The following NBEA variants were observed in gnomAD, a reference collection of about 807,000 sequenced individuals.
NBEA encodes the protein neurobeachin.
A neutral mutation model predicts 343.4 loss-of-function variants in NBEA; 44 were observed. The ratio of observed to expected loss-of-function variants is 0.13; its 90% CI spans 0.10 to 0.16. The LOEUF (loss-of-function observed/expected upper bound fraction) is 0.16, where lower values mean the gene tolerates loss of function less well. NBEA is among the 10% of genes least tolerant of loss of function. NBEA has a pLI of 1.00. For missense variants in NBEA, 2,555 were observed against 3,631.3 expected, an observed-to-expected ratio of 0.70 and a Z score of 7.62; for synonymous variants, 1,175 against 1,238.7, an observed-to-expected ratio of 0.95 and a Z score of 1.08.
intron 33 of NBEA, among the ~76,000 whole-genome samples, chr13:35,217,444 C>T (rs1464075596): frequency 3.9e-5 from 6 of 151,906 alleles, no homozygotes; most frequent in African/African-American, 1.4e-4. Flanking sequence ...TCTTCACCTA[C>T]CTCTACTTTC....
chr13:35,256,214 G>A (rs914277947), intron 34 of NBEA, among the ~76,000 whole-genome samples: 1 of 151,866 alleles, frequency 6.6e-6, no homozygotes, highest in African/African-American at 2.4e-5. Flanking sequence ...AGCTCTGATC[G>A]GAGAGGAGAC....
chr13:35,152,197 T>A (rs2152704867), intron 18 of NBEA, among the ~76,000 whole-genome samples: 1 of 152,320 alleles, frequency 6.6e-6, no homozygotes, highest in African/African-American at 2.4e-5. Flanking sequence ...AAACATATAT[T>A]TTTTAAATTA....
chr13:35,178,237 C>T (rs1173270249), intron 28 of NBEA, among the ~76,000 whole-genome samples: 2 of 151,668 alleles, frequency 1.3e-5, no homozygotes, highest in Admixed American at 6.6e-5. Flanking sequence ...AGCTCTTTGC[C>T]AATATGGTTA....
intron 41 of NBEA, among the ~76,000 whole-genome samples, chr13:35,498,233 A>C (rs2076756513): frequency 6.6e-6 from 1 of 152,192 alleles, no homozygotes; most frequent in South Asian, 2.1e-4. Flanking sequence ...CTCTGTGTTG[A>C]AAATCTCTCA....
At chr13:35,666,688 A>G (rs1450503122) in intron 56 of NBEA, among the ~76,000 whole-genome samples, 1 of 152,218 alleles carries the variant, frequency 6.6e-6, no homozygotes, top group Non-Finnish European at 1.5e-5. Context: ...ACACCAAACT[A>G]TAGTGACCAA....
At chr13:35,370,156 G>C (rs1328152020) in intron 38 of NBEA, among the ~76,000 whole-genome samples, 1 of 151,928 alleles carries the variant, frequency 6.6e-6, no homozygotes, top group Non-Finnish European at 1.5e-5. Context: ...CTCAACTGGA[G>C]TCTATCGCTC....
At chr13:35,399,699 G>T (rs1231496392) in intron 38 of NBEA, among the ~76,000 whole-genome samples, 1 of 152,074 alleles carries the variant, frequency 6.6e-6, no homozygotes, top group African/African-American at 2.4e-5. Flanking sequence ...TTCACAACTT[G>T]GCTAACCATT....
At chr13:35,512,977 A>G (rs1353296159) in intron 41 of NBEA, among the ~76,000 whole-genome samples, 8 of 152,246 alleles carry the variant, frequency 5.3e-5, no homozygotes, top group Non-Finnish European at 7.4e-5. Flanking sequence ...AACTCAGTGT[A>G]AGGTTATTGT....
At chr13:35,149,933 T>G (rs984397132) in intron 18 of NBEA, among the ~76,000 whole-genome samples, 2 of 152,128 alleles carry the variant, frequency 1.3e-5, no homozygotes, top group Non-Finnish European at 2.9e-5. Context: ...TACAGCAGCG[T>G]TTTTACCCAC....
intron 17 of NBEA, among the ~76,000 whole-genome samples, chr13:35,140,317 G>A (rs894000303): frequency 6.6e-6 from 1 of 151,936 alleles, no homozygotes; most frequent in Non-Finnish European, 1.5e-5. Context: ...CTGGCCTTTA[G>A]ATAGACTAAT....
At chr13:35,005,685 A>G (rs1387294866) in intron 1 of NBEA, among the ~76,000 whole-genome samples, 2 of 152,202 alleles carry the variant, frequency 1.3e-5, no homozygotes, top group Non-Finnish European at 2.9e-5. Flanking sequence ...TTATGATGGT[A>G]TGGAAGCACC....
intron 1 of NBEA, among the ~76,000 whole-genome samples, chr13:35,017,317 G>A (rs1030779217): frequency 1.3e-4 from 20 of 152,146 alleles, no homozygotes; most frequent in African/African-American, 3.9e-4. Flanking sequence ...TTTCATTTCC[G>A]TTGGGTACTG....
chr13:35,319,650 T>G (rs1400867763), intron 36 of NBEA, among the ~76,000 whole-genome samples: 1 of 152,140 alleles, frequency 6.6e-6, no homozygotes, highest in Non-Finnish European at 1.5e-5. Flanking sequence ...AACATCCTTG[T>G]TAATTTTCTC....
At chr13:35,346,307 G>C (rs1051342996) in intron 36 of NBEA, among the ~76,000 whole-genome samples, 5 of 152,070 alleles carry the variant, frequency 3.3e-5, no homozygotes, top group Non-Finnish European at 5.9e-5. Flanking sequence ...TCAGCCTTCA[G>C]CATGCACTAG....
chr13:35,199,291 T>TA lies in NBEA; in HGVS notation c.5366+2990dup, dbSNP rs75130918. On this transcript the variant is annotated intron_variant, in intron 31 of 58. Transcript: ENST00000379939. Reference sequence around the variant, plus strand: ...AAGCACTAATGTCTGAAATCCAAGTTATGACATGTCTTTTAACATCAGATT... The same window carrying TA: ...AAGCACTAATGTCTGAAATCCAAGTTAATGACATGTCTTTTAACATCAGATT... 2.3e-4 allele frequency among the ~76,000 whole-genome samples: 35 copies of TA among 152,256 alleles called. No individual in the cohort carries two copies. In the East Asian group the frequency reaches 6.6e-3, roughly 29 times the overall value.
chr13:35,214,620 GA>G (rs1446710517), intron 33 of NBEA, among the ~76,000 whole-genome samples: 1 of 151,510 alleles, frequency 6.6e-6, no homozygotes, highest in Non-Finnish European at 1.5e-5. Flanking sequence ...ATGCAGTCTA[GA>G]ATTTTTTGTT....
chr13:35,475,220 G>A (rs1242737166), intron 41 of NBEA: 2 of 1,614,026 alleles, frequency 1.2e-6, no homozygotes, highest in Non-Finnish European at 1.7e-6. Context: ...CAGGAGATAA[G>A]TTGCAGCAAA....
intron 1 of NBEA, among the ~76,000 whole-genome samples, chr13:34,992,839 ATTTTTT>A (rs11434153): frequency 7.3e-6 from 1 of 136,436 alleles, no homozygotes; most frequent in Admixed American, 7.4e-5. Context: ...CACCCGGCTA[ATTTTTT>A]TTTTTTTTTT....
At chr13:35,163,266 G>C (rs1414556078) in intron 23 of NBEA, among the ~76,000 whole-genome samples, 3 of 152,108 alleles carry the variant, frequency 2.0e-5, no homozygotes, top group Non-Finnish European at 4.4e-5. Context: ...CACAGTGATA[G>C]ATAATAATTC....
Sources: allele counts gnomAD v4.1 joint callset (sites outside exome capture counted in the v4.1 genomes callset), GRCh38; gene constraint gnomAD v4.1.1; transcripts MANE v1.5; gene names NCBI Gene and HGNC (gene_info 2026-07-23, HGNC 2026-07-21).